The following RBFOX1 variants were observed in gnomAD, a reference collection of about 807,000 sequenced individuals.
RBFOX1 encodes the protein RNA binding fox-1 homolog 1.
RBFOX1 carries 8 observed loss-of-function variants against 57.7 expected under a neutral mutation model. That is an observed-to-expected ratio of 0.14 (90% CI 0.08 to 0.25). The LOEUF is 0.25. RBFOX1 is among the 10% of genes least tolerant of loss of function. RBFOX1 has a pLI of 1.00. For missense variants in RBFOX1, 611 were observed against 548.5 expected (o/e 1.11, Z -1.14); for synonymous variants, 326 against 222.4 (o/e 1.47, Z -4.15).
intron 2 of RBFOX1, among the ~76,000 whole-genome samples, chr16:6,426,138 CTCTG>C (rs2093921300): frequency 6.6e-6 from 1 of 152,032 alleles, no homozygotes; most frequent in Non-Finnish European, 1.5e-5. Context: ...TTCTCTCTCT[CTCTG>C]TCTCTCTTTC....
intron 4 of RBFOX1, among the ~76,000 whole-genome samples, chr16:7,100,372 C>G (rs895852692): frequency 2.0e-5 from 3 of 152,092 alleles, no homozygotes; most frequent in African/African-American, 7.2e-5. Flanking sequence ...TGACTCCCCC[C>G]AGCCTATCAC....
chr16:6,807,060 C>G (rs1258315625), intron 3 of RBFOX1, among the ~76,000 whole-genome samples: 1 of 151,608 alleles, frequency 6.6e-6, no homozygotes, highest in Non-Finnish European at 1.5e-5. Context: ...TCTTGAACTC[C>G]TGACCTCAAG....
At chr16:5,339,470 GTTTTTTTTTTTT>G (rs560472298) in intron 1 of RBFOX1, among the ~76,000 whole-genome samples, 583 of 40,920 alleles carry the variant, frequency 0.014, 18 homozygotes, top group East Asian at 0.12. Context: ...CTTTTTCCGT[GTTTTTTTTTTTT>G]TTTTTTTTTT....
chr16:6,276,263 A>G (rs1038782683), intron 1 of RBFOX1, among the ~76,000 whole-genome samples: 33 of 152,326 alleles, frequency 2.2e-4, no homozygotes, highest in Non-Finnish European at 4.4e-4. Context: ...AAATGTGTGG[A>G]ATGTCACGGA....
chr16:7,526,985 A>G (rs1395817479), intron 5 of RBFOX1, among the ~76,000 whole-genome samples: 1 of 152,200 alleles, frequency 6.6e-6, no homozygotes, highest in African/African-American at 2.4e-5. Context: ...GCAGAAAGGA[A>G]TTACTCATTT....
At chr16:6,935,303 C>T (rs9926278) in intron 3 of RBFOX1, among the ~76,000 whole-genome samples, 1 of 151,800 alleles carries the variant, frequency 6.6e-6, no homozygotes, top group Non-Finnish European at 1.5e-5. Flanking sequence ...TTCAGACGAT[C>T]TCTCCAAGTC....
intron 1 of RBFOX1, among the ~76,000 whole-genome samples, chr16:6,079,948 T>C (rs985619947): frequency 6.6e-6 from 1 of 152,254 alleles, no homozygotes; most frequent in South Asian, 2.1e-4. Flanking sequence ...GTGTCTTGGA[T>C]TGACTTTCAA....
intron 3 of RBFOX1, among the ~76,000 whole-genome samples, chr16:6,735,341 T>A (rs2069880896): frequency 6.6e-6 from 1 of 152,232 alleles, no homozygotes; most frequent in Non-Finnish European, 1.5e-5. Flanking sequence ...ACCTGGTTAC[T>A]TAGTGCCGTC....
chr16:5,985,194 G>A (rs4786799), intron 4 of RBFOX1, among the ~76,000 whole-genome samples: 64 of 151,034 alleles, frequency 4.2e-4, no homozygotes, highest in African/African-American at 1.4e-3. Context: ...GGGTTTCACC[G>A]TGTTAGCCAG....
chr16:5,577,738 A>T (rs2046516517), intron 2 of RBFOX1, among the ~76,000 whole-genome samples: 1 of 152,134 alleles, frequency 6.6e-6, no homozygotes, highest in South Asian at 2.1e-4. Flanking sequence ...ATGATCAAAC[A>T]CGTTAATATT....
At chr16:6,664,459 G>C (rs1310916838) in intron 3 of RBFOX1, among the ~76,000 whole-genome samples, 2 of 152,282 alleles carry the variant, frequency 1.3e-5, no homozygotes, top group South Asian at 4.2e-4. Flanking sequence ...CTACAGATCT[G>C]CCTCAGCTCC....
chr16:5,989,274 T>C (rs1021623317), intron 4 of RBFOX1, among the ~76,000 whole-genome samples: 1 of 151,634 alleles, frequency 6.6e-6, no homozygotes, highest in African/African-American at 2.4e-5. Flanking sequence ...GAGTTTACAG[T>C]GAGCCGAGAT....
At chr16:5,568,232 C>A (rs1198517064) in intron 2 of RBFOX1, among the ~76,000 whole-genome samples, 1 of 152,196 alleles carries the variant, frequency 6.6e-6, no homozygotes, top group Non-Finnish European at 1.5e-5. Flanking sequence ...CGTATGGGGG[C>A]CTGTGCTGCA....
At chr16:5,585,290 TG>T (rs1242935759) in intron 2 of RBFOX1, among the ~76,000 whole-genome samples, 4 of 152,226 alleles carry the variant, frequency 2.6e-5, no homozygotes, top group Non-Finnish European at 4.4e-5. Context: ...TGGCTGCTTT[TG>T]TTTAGCATAA....
chr16:7,628,552 G>C (rs1221274815), intron 10 of RBFOX1, among the ~76,000 whole-genome samples: 1 of 152,088 alleles, frequency 6.6e-6, no homozygotes, highest in Non-Finnish European at 1.5e-5. Flanking sequence ...CCAGTGACCT[G>C]CTAAAACTGG....
chr16:7,429,406 C>G (rs898385016), intron 4 of RBFOX1, among the ~76,000 whole-genome samples: 1 of 152,224 alleles, frequency 6.6e-6, no homozygotes, highest in Non-Finnish European at 1.5e-5. Context: ...CCTTCCCTGG[C>G]TAGCCCATCA....
intron 1 of RBFOX1, among the ~76,000 whole-genome samples, chr16:5,365,217 T>C (rs147752455): frequency 1.3e-5 from 2 of 152,110 alleles, no homozygotes; most frequent in Non-Finnish European, 2.9e-5. Flanking sequence ...TGGTTGAGGG[T>C]CGTTCTGGGA....
intron 1 of RBFOX1, among the ~76,000 whole-genome samples, chr16:5,268,993 C>A (rs1398561641): frequency 2.0e-5 from 3 of 151,958 alleles, no homozygotes; most frequent in Middle Eastern, 3.2e-3. Flanking sequence ...CAGCTCACTG[C>A]AACCTCTGCC....
intron 5 of RBFOX1, among the ~76,000 whole-genome samples, chr16:7,559,091 G>T (rs1025346812): frequency 6.6e-6 from 1 of 152,198 alleles, no homozygotes; most frequent in Non-Finnish European, 1.5e-5. Context: ...TAGGAGAAAG[G>T]TTCAGAGGCC....
Sources: gnomAD v4.1 joint callset for allele counts (sites outside exome capture counted in the v4.1 genomes callset) on GRCh38, gnomAD v4.1.1 for gene constraint, MANE v1.5 for transcripts, NCBI Gene and HGNC (gene_info 2026-07-23, HGNC 2026-07-21) for gene names.